CD200: variants seen among roughly 807,000 people sequenced by gnomAD.
The protein encoded by CD200 is OX-2 membrane glycoprotein.
CD200 carries 15 observed loss-of-function variants against 30.9 expected under a neutral mutation model. That is an observed-to-expected ratio of 0.49 (90% CI 0.32 to 0.75). The LOEUF (loss-of-function observed/expected upper bound fraction) is 0.75, where lower values mean the gene tolerates loss of function less well. CD200 is among the 30% of genes least tolerant of loss of function. The pLI is 0.03. For missense variants in CD200, 262 were observed against 324.2 expected, an observed-to-expected ratio of 0.81 and a Z score of 1.47; for synonymous variants, 134 against 126.2, an observed-to-expected ratio of 1.06 and a Z score of -0.41.
chr3:112,351,613 G>T (rs543785498), intron 5 of CD200, among the ~76,000 whole-genome samples: 1 of 152,116 alleles, frequency 6.6e-6, no homozygotes, highest in African/African-American at 2.4e-5. Flanking sequence ...ACTCCTGTAC[G>T]CATCAGGATT....
chr3:112,357,771 C>A (rs1271455399), intron 5 of CD200, among the ~76,000 whole-genome samples: 1 of 152,042 alleles, frequency 6.6e-6, no homozygotes, highest in East Asian at 1.9e-4. Flanking sequence ...AGCAAAACGG[C>A]ATGTAACAGA....
chr3:112,361,581 C>A lies in CD200; in HGVS notation c.*31C>A, dbSNP rs779498778. 3.1e-6 allele frequency: 5 copies of A among 1,596,014 alleles called. No individual in the cohort carries two copies. Among genetic ancestry groups the A allele is most frequent in the African/African-American group, 1.3e-5 (1 of 74,492 alleles). On this transcript the variant is annotated 3_prime_UTR_variant, in exon 6 of 6. Transcript: ENST00000315711. ...TCACACAGCACCCTGAAAGTGATTCCCTGGTCTACTTGAATTTGACACAAG... is the reference window on the plus strand; with the variant it reads ...TCACACAGCACCCTGAAAGTGATTCACTGGTCTACTTGAATTTGACACAAG...
chr3:112,334,137 C>T (rs2081060875), intron 1 of CD200: 2 of 985,280 alleles, frequency 2.0e-6, no homozygotes, highest in South Asian at 4.7e-5. Context: ...TGTAACTATC[C>T]TTCTAAAAAT....
intron 1 of CD200, among the ~76,000 whole-genome samples, chr3:112,338,633 T>C (rs1193185654): frequency 6.6e-6 from 1 of 152,186 alleles, no homozygotes; most frequent in Non-Finnish European, 1.5e-5. Flanking sequence ...TCAATGGCTT[T>C]CAGAGATTCC....
rs2081270464 is a variant in CD200, at chr3:112,342,341, CTTTCTTTCTTTCTTT to C, written c.94+1359_94+1373del. On this transcript the variant is annotated intron_variant, in intron 2 of 5. Coordinates refer to ENST00000315711, the MANE Select transcript of CD200 (RefSeq NM_005944.7). ...TCTTTCTTTCTTTCTTTCTTTCCTT[CTTTCTTTCTTTCTTT>C]CTTTCTTTCTTTCTTTCTTTCTTTC... Among the ~76,000 whole-genome samples, 293 of 45,472 alleles carry C rather than the reference CTTTCTTTCTTTCTTT, an allele frequency of 6.4e-3. 22 individuals are homozygous for C. Among genetic ancestry groups the C allele is most frequent in the South Asian group, 0.016 (19 of 1,206 alleles). The allele number at this position is 45,472 out of a possible 152,430, so 29.8% of individuals were successfully genotyped here.
intron 5 of CD200, among the ~76,000 whole-genome samples, chr3:112,354,365 A>G (rs2081588955): frequency 6.6e-6 from 1 of 152,214 alleles, no homozygotes; most frequent in Admixed American, 6.5e-5. Flanking sequence ...GGATGAGAAA[A>G]TCTACCAGCT....
At chr3:112,339,121 C>A (rs1317649881) in intron 1 of CD200, among the ~76,000 whole-genome samples, 4 of 152,082 alleles carry the variant, frequency 2.6e-5, no homozygotes, top group African/African-American at 9.7e-5. Flanking sequence ...GTTTAGTAAC[C>A]TTATGCAAAA....
At chr3:112,360,153 C>T (rs1464558178) in intron 5 of CD200, among the ~76,000 whole-genome samples, 1 of 152,058 alleles carries the variant, frequency 6.6e-6, no homozygotes, top group African/African-American at 2.4e-5. Context: ...CATAGTGAAA[C>T]CCCATCTCTA....
intron 3 of CD200, 54 bp downstream of exon 3, chr3:112,345,342 G>T: frequency 6.9e-7 from 1 of 1,452,474 alleles, no homozygotes; most frequent in Non-Finnish European, 9.6e-7. Context: ...TTGCAAGAAT[G>T]TTTGGAATAT....
intron 1 of CD200, among the ~76,000 whole-genome samples, chr3:112,335,508 A>G (rs1576580641): frequency 6.6e-6 from 1 of 152,350 alleles, no homozygotes; most frequent in East Asian, 1.9e-4. Flanking sequence ...AGATGTAAGG[A>G]AAAAGCAACT....
intron 4 of CD200, 95 bp downstream of exon 4, chr3:112,347,925 T>G: frequency 8.9e-7 from 1 of 1,119,382 alleles, no homozygotes; most frequent in Non-Finnish European, 1.3e-6. Context: ...CCTCTTAGCA[T>G]AATCTATTTG....
chr3:112,334,786 T>G (rs1216936285), intron 1 of CD200, among the ~76,000 whole-genome samples: 1 of 152,200 alleles, frequency 6.6e-6, no homozygotes, highest in Non-Finnish European at 1.5e-5. Context: ...CGTATCTATT[T>G]AAGAGTAAGG....
At chr3:112,355,419 A>G (rs2081606585) in intron 5 of CD200, among the ~76,000 whole-genome samples, 1 of 152,148 alleles carries the variant, frequency 6.6e-6, no homozygotes, top group Non-Finnish European at 1.5e-5. Flanking sequence ...CAGTTCTTGC[A>G]TATTTCCTGC....
At chr3:112,335,361 C>G (rs930380113) in intron 1 of CD200, among the ~76,000 whole-genome samples, 1 of 152,102 alleles carries the variant, frequency 6.6e-6, no homozygotes, top group African/African-American at 2.4e-5. Context: ...CCTATGAAGA[C>G]AGGAAGAGAA....
rs1013840331 is a variant in CD200, at chr3:112,336,896, A to G, written c.12+3672A>G. The stretch of plus-strand genomic sequence containing the variant: ...CAGAGCCAAATAAGAGACTGTTTCT[A>G]ATGAAACAAGCAGACAATGTCCCAA... On this transcript the variant is annotated intron_variant, in intron 1 of 5. Coordinates refer to ENST00000315711, the MANE Select transcript of CD200 (RefSeq NM_005944.7). 2.6e-5 allele frequency among the ~76,000 whole-genome samples: 4 copies of G among 152,322 alleles called. No individual in the cohort carries two copies. In the East Asian group the frequency reaches 7.7e-4, roughly 29 times the overall value.
chr3:112,352,022 A>G (rs2081542783), intron 5 of CD200, among the ~76,000 whole-genome samples: 1 of 152,162 alleles, frequency 6.6e-6, no homozygotes, highest in South Asian at 2.1e-4. Context: ...ACCTCCCATT[A>G]AGCCCCACCT....
chr3:112,340,326 G>T (rs1432578688), intron 1 of CD200, among the ~76,000 whole-genome samples: 2 of 152,122 alleles, frequency 1.3e-5, no homozygotes, highest in African/African-American at 4.8e-5. Flanking sequence ...TTTATAAGAA[G>T]GCCGAGGATT....
At chr3:112,347,374 T>C (rs1477113280) in intron 3 of CD200, among the ~76,000 whole-genome samples, 184 bp from the exon 4 acceptor site, 2 of 152,200 alleles carry the variant, frequency 1.3e-5, no homozygotes, top group East Asian at 3.9e-4. Flanking sequence ...GTCTCCATCC[T>C]GCAGATCAGA....
chr3:112,342,907 C>T (rs1559783920), intron 2 of CD200, among the ~76,000 whole-genome samples: 1 of 151,934 alleles, frequency 6.6e-6, no homozygotes, highest in Non-Finnish European at 1.5e-5. Context: ...TTTTTTGTAG[C>T]CTATTTTGAG....
Sources: gnomAD v4.1 joint callset for allele counts (sites outside exome capture counted in the v4.1 genomes callset) on GRCh38, gnomAD v4.1.1 for gene constraint, MANE v1.5 for transcripts, NCBI Gene and HGNC (gene_info 2026-07-23, HGNC 2026-07-21) for gene names.